STARD13: variants seen among roughly 807,000 people sequenced by gnomAD.
STARD13 encodes the protein StAR related lipid transfer domain containing 13.
STARD13 carries 62 observed loss-of-function variants against 106.4 expected under a neutral mutation model. The observed-to-expected ratio is 0.58, with a 90% CI of 0.48 to 0.72. The LOEUF is 0.72. Among genes scored for constraint, STARD13 ranks in the 30% least tolerant of loss-of-function variants. The probability of loss-of-function intolerance (pLI) is 0.00; values close to 1 mark genes in which losing one functional copy is unlikely to be tolerated. For synonymous variants in STARD13, 565 were observed against 553.0 expected, an observed-to-expected ratio of 1.02 and a Z score of -0.31; for missense variants, 1,387 against 1,424.0, an observed-to-expected ratio of 0.97 and a Z score of 0.42.
chr13:33,614,448 G>C, the STARD13 span, among the ~76,000 whole-genome samples: 1 of 152,156 alleles, frequency 6.6e-6, no homozygotes, highest in Non-Finnish European at 1.5e-5. Context: ...TCAGCCAGCT[G>C]GTGGGCCACA....
chr13:33,344,681 C>T (rs907515761), downstream of STARD13, among the ~76,000 whole-genome samples: 4 of 152,188 alleles, frequency 2.6e-5, no homozygotes, highest in Non-Finnish European at 5.9e-5. Flanking sequence ...AAAACTTGAA[C>T]TTTTCACTGT....
chr13:33,223,332 A>G (rs1460248685), intron 1 of STARD13, among the ~76,000 whole-genome samples: 2 of 152,218 alleles, frequency 1.3e-5, no homozygotes, highest in Non-Finnish European at 2.9e-5. Context: ...CATATGTAAG[A>G]CACTTCTGGT....
chr13:33,632,137 T>C, the STARD13 span, among the ~76,000 whole-genome samples: 1 of 152,224 alleles, frequency 6.6e-6, no homozygotes, highest in Admixed American at 6.5e-5. Flanking sequence ...TTAATACATA[T>C]AATCAACACA....
the STARD13 span, among the ~76,000 whole-genome samples, chr13:33,653,730 G>C: frequency 6.7e-6 from 1 of 149,194 alleles, no homozygotes; most frequent in Non-Finnish European, 1.5e-5. Context: ...TATCAAGAAA[G>C]TGAAAAGATA....
At chr13:33,470,805 T>C in the STARD13 span, among the ~76,000 whole-genome samples, 1 of 152,220 alleles carries the variant, frequency 6.6e-6, no homozygotes, top group South Asian at 2.1e-4. Context: ...TTTAATTTCT[T>C]TGTAGATTCT....
rs185925313 is a variant in STARD13, at chr13:33,296,754, G to T, written c.124+53536C>A. On this transcript the variant is annotated intron_variant, in intron 1 of 5. Transcript: ENST00000567873. ...CTGCCTCAGCCTCCCAAGTAGCTGGGATTACAGGGGCCCCCCACCACGCCC... is the reference window on the plus strand; with the variant it reads ...CTGCCTCAGCCTCCCAAGTAGCTGGTATTACAGGGGCCCCCCACCACGCCC... 1.7e-3 allele frequency among the ~76,000 whole-genome samples: 265 copies of T among 152,252 alleles called. 2 individuals carry two copies. The highest frequency in any genetic ancestry group is 6.8e-3 in the Middle Eastern group (2 of 294).
intron 1 of STARD13, among the ~76,000 whole-genome samples, chr13:33,298,659 T>C (rs1892596522): frequency 6.6e-6 from 1 of 152,216 alleles, no homozygotes; most frequent in Admixed American, 6.5e-5. Flanking sequence ...GCATCTCATA[T>C]GAATGTATAT....
chr13:33,330,276 A>G (rs184116884), intron 1 of STARD13, among the ~76,000 whole-genome samples: 31 of 152,306 alleles, frequency 2.0e-4, no homozygotes, highest in Admixed American at 1.7e-3. Flanking sequence ...TCTTTTTTAC[A>G]ATAGTCACCC....
the STARD13 span, among the ~76,000 whole-genome samples, chr13:33,610,306 T>C: frequency 6.6e-6 from 1 of 152,162 alleles, no homozygotes; most frequent in Non-Finnish European, 1.5e-5. Context: ...AAGTCTTACT[T>C]ATTTAAGGAG....
intron 7 of STARD13, 147 bp downstream of exon 7, chr13:33,125,934 A>ATTCAAATTAAATG (rs1402665752): frequency 5.1e-6 from 4 of 778,448 alleles, no homozygotes; most frequent in Non-Finnish European, 8.1e-6. Context: ...CAAATTAAAT[A>ATTCAAATTAAATG]TTGCTACATA....
chr13:33,580,480 A>G, the STARD13 span, among the ~76,000 whole-genome samples: 1 of 152,178 alleles, frequency 6.6e-6, no homozygotes, highest in Non-Finnish European at 1.5e-5. Flanking sequence ...TGGTGGGTAC[A>G]TAATATATTT....
chr13:33,607,373 C>T, the STARD13 span, among the ~76,000 whole-genome samples: 1 of 151,298 alleles, frequency 6.6e-6, no homozygotes, highest in Admixed American at 6.6e-5. Context: ...TCTCAGCTCA[C>T]TGCAACCTCC....
At chr13:33,262,856 C>T (rs1890720148) in intron 1 of STARD13, among the ~76,000 whole-genome samples, 1 of 152,142 alleles carries the variant, frequency 6.6e-6, no homozygotes, top group African/African-American at 2.4e-5. Flanking sequence ...ATCCCAGTGA[C>T]TTCTGCTTAT....
chr13:33,581,804 G>A, the STARD13 span, among the ~76,000 whole-genome samples: 1 of 152,254 alleles, frequency 6.6e-6, no homozygotes, highest in East Asian at 1.9e-4. Flanking sequence ...ATGAAAGACT[G>A]GGTGAATATA....
At chr13:33,245,915 G>A (rs929482239) in intron 1 of STARD13, among the ~76,000 whole-genome samples, 2 of 152,114 alleles carry the variant, frequency 1.3e-5, no homozygotes, top group African/African-American at 2.4e-5. Context: ...AACTCAAGAG[G>A]CCAGATTCTA....
intron 1 of STARD13, among the ~76,000 whole-genome samples, chr13:33,304,090 A>G (rs985544150): frequency 2.0e-5 from 3 of 152,246 alleles, no homozygotes; most frequent in African/African-American, 7.2e-5. Context: ...ACAAGGAAGA[A>G]AACTGTGTGG....
chr13:33,129,498 C>T lies in STARD13; in HGVS notation c.1179G>A (p.Leu393=). 2 of 1,614,216 alleles carry T rather than the reference C, an allele frequency of 1.2e-6. No homozygotes were observed. Among genetic ancestry groups the T allele is most frequent in the Non-Finnish European group, 1.7e-6 (2 of 1,180,048 alleles). ...TGTGATCCTTGGGAATATGCACCAC[C>T]AAATTCTCTTGGGAGTGAAATTCAT... The part of the protein sequence containing the change: ...RMHEFHSQEN[L]VVHIPKDHKP... The change falls in exon 5 of 14, where the codon TTG becomes TTA. Residue 393 remains leucine, a synonymous_variant. Coordinates refer to ENST00000336934, the MANE Select transcript of STARD13 (RefSeq NM_178006.4).
chr13:33,425,057 T>C, the STARD13 span, among the ~76,000 whole-genome samples: 1 of 152,230 alleles, frequency 6.6e-6, no homozygotes, highest in Non-Finnish European at 1.5e-5. Context: ...AATAGATACT[T>C]GAAGACTTTC....
At chr13:33,244,010 C>T (rs573610828) in intron 1 of STARD13, among the ~76,000 whole-genome samples, 3 of 121,278 alleles carry the variant, frequency 2.5e-5, no homozygotes, top group East Asian at 2.1e-4. Flanking sequence ...TTTCAGATTC[C>T]GGCTCTTTTT....
Sources: gnomAD v4.1 joint callset for allele counts (sites outside exome capture counted in the v4.1 genomes callset) on GRCh38, gnomAD v4.1.1 for gene constraint, MANE v1.5 for transcripts, NCBI Gene and HGNC (gene_info 2026-07-23, HGNC 2026-07-21) for gene names.